Variants in FBXW8 observed in about 807,000 individuals in gnomAD.
The protein encoded by FBXW8 is F-box/WD repeat-containing protein 8.
A neutral mutation model predicts 65.3 loss-of-function variants in FBXW8; 57 were observed. That is an observed-to-expected ratio of 0.87 (90% CI 0.71 to 1.09). FBXW8 has a LOEUF of 1.09. FBXW8 is among the 50% of genes least tolerant of loss of function. The pLI, the probability that FBXW8 is intolerant of heterozygous loss-of-function variation, is 0.00. For missense variants in FBXW8, 777 were observed against 814.8 expected (o/e 0.95, Z 0.57); for synonymous variants, 308 against 330.2 (o/e 0.93, Z 0.73).
At chr12:116,951,548 C>G (rs1056268937) in intron 4 of FBXW8, 1 of 152,128 alleles carries the variant, frequency 6.6e-6, no homozygotes, top group African/African-American at 2.4e-5. Flanking sequence ...TTTTCTCTTT[C>G]TTTTGCACAA....
chr12:117,011,031 A>T (rs60883026), intron 8 of FBXW8, among the ~76,000 whole-genome samples: 2,518 of 151,884 alleles, frequency 0.017, 73 homozygotes, highest in African/African-American at 0.056. Flanking sequence ...CGCCCCAGGA[A>T]CCATCAGCAC....
chr12:116,955,050 C>G (rs1883556429), intron 4 of FBXW8, among the ~76,000 whole-genome samples: 2 of 148,030 alleles, frequency 1.4e-5, no homozygotes, highest in South Asian at 4.2e-4. Context: ...GGGGGGGGGC[C>G]CTGTATTAAG....
At chr12:116,993,196 C>G (rs1009789786) in intron 7 of FBXW8, among the ~76,000 whole-genome samples, 1 of 137,836 alleles carries the variant, frequency 7.3e-6, no homozygotes, top group Admixed American at 8.3e-5. Context: ...ATCCACTGAG[C>G]GGGTTCAAGC....
intron 2 of FBXW8, among the ~76,000 whole-genome samples, chr12:116,942,770 A>ATTTTTTTTTTTTTTTTTTTTTTTTTTTTT (rs71099022): frequency 1.6e-5 from 1 of 64,358 alleles, no homozygotes; most frequent in Non-Finnish European, 2.7e-5. Flanking sequence ...CAGAGCTTCT[A>ATTTTTTTTTTTTTTTTTTTTTTTTTTTTT]TTTTTTTTTT....
chr12:116,958,445 G>T (rs1883786364), intron 4 of FBXW8, among the ~76,000 whole-genome samples: 1 of 152,214 alleles, frequency 6.6e-6, no homozygotes. Context: ...AGTTTTAGGA[G>T]CCTCTGCCTG....
rs541413266 is a variant in FBXW8, at chr12:117,012,303, C to T, written c.1367+1853C>T. ...GCCAATGTTACATTTTTTTTTAAAACGCTCTGTCTCTGTGGATGAAAAGAA... is the reference window on the plus strand; with the variant it reads ...GCCAATGTTACATTTTTTTTTAAAATGCTCTGTCTCTGTGGATGAAAAGAA... On this transcript the variant is annotated intron_variant, in intron 8 of 10. Transcript: ENST00000652555. Among the ~76,000 whole-genome samples, 8 of 151,892 alleles carry T rather than the reference C, an allele frequency of 5.3e-5. 1 individual carries two copies. The South Asian group carries it at 8.3e-4, about 16-fold the overall frequency.
intron 2 of FBXW8, among the ~76,000 whole-genome samples, chr12:116,934,653 G>A (rs748604158): frequency 6.6e-6 from 1 of 152,102 alleles, no homozygotes; most frequent in Non-Finnish European, 1.5e-5. Context: ...TAAATTCATA[G>A]GAAGTTGCAA....
chr12:117,021,879 GTTGCTTTCGGCT>G, intron 8 of FBXW8, among the ~76,000 whole-genome samples: 1 of 152,264 alleles, frequency 6.6e-6, no homozygotes, highest in South Asian at 2.1e-4. Context: ...GTTTCATCCC[GTTGCTTTCGGCT>G]TCCATGGACG....
chr12:116,945,355 C>T lies in FBXW8; in HGVS notation c.424-9C>T. ...GAATTTGACATTTGTGTCACTTCTG[C>T]TGTTTTAGGTGAGCAAGACGTGGAA... On this transcript the variant is annotated splice_polypyrimidine_tract_variant and intron_variant, in intron 2 of 10. Transcript: ENST00000652555. 1 of 1,601,036 alleles carries T rather than the reference C, an allele frequency of 6.2e-7. No homozygotes were observed. The highest frequency in any genetic ancestry group is 8.5e-7 in the Non-Finnish European group (1 of 1,171,828).
chr12:116,981,002 C>G (rs116241012), intron 5 of FBXW8, among the ~76,000 whole-genome samples: 1 of 152,088 alleles, frequency 6.6e-6, no homozygotes, highest in Non-Finnish European at 1.5e-5. Flanking sequence ...TGTGATATCC[C>G]CAGTCCCTAG....
intron 7 of FBXW8, among the ~76,000 whole-genome samples, chr12:116,992,796 G>GTGTGTA (rs1409788511): frequency 6.6e-6 from 1 of 150,974 alleles, no homozygotes; most frequent in African/African-American, 2.5e-5. Flanking sequence ...GTGTGTGTGT[G>GTGTGTA]TATCACATTT....
intron 2 of FBXW8, among the ~76,000 whole-genome samples, chr12:116,941,804 T>G (rs549593584): frequency 2.6e-5 from 4 of 152,298 alleles, no homozygotes; most frequent in African/African-American, 9.6e-5. Flanking sequence ...CTATTTAAAT[T>G]TCTTTACTCT....
At chr12:117,026,057 AAGGCCTCACCTGC>A (rs1954219682) in intron 9 of FBXW8, among the ~76,000 whole-genome samples, 1 of 152,222 alleles carries the variant, frequency 6.6e-6, no homozygotes, top group Non-Finnish European at 1.5e-5. Context: ...TGACTTGCTC[AAGGCCTCACCTGC>A]AGTGCCTGCT....
intron 5 of FBXW8, among the ~76,000 whole-genome samples, chr12:116,983,091 A>C (rs779683110): frequency 6.6e-6 from 1 of 152,216 alleles, no homozygotes; most frequent in Non-Finnish European, 1.5e-5. Context: ...GAGGAGACAC[A>C]CGAGTCTCTG....
At chr12:116,914,829 C>T (rs1412481235) in intron 1 of FBXW8, among the ~76,000 whole-genome samples, 1 of 152,166 alleles carries the variant, frequency 6.6e-6, no homozygotes, top group East Asian at 1.9e-4. Flanking sequence ...GAGCCGAGAT[C>T]GTGCCATTGC....
intron 1 of FBXW8, among the ~76,000 whole-genome samples, chr12:116,912,171 G>GTTTTTTTTTTTTTTCTTT (rs1880002015): frequency 7.6e-6 from 1 of 131,022 alleles, no homozygotes; most frequent in Admixed American, 8.1e-5. Flanking sequence ...TTTTTTTCCT[G>GTTTTTTTTTTTTTTCTTT]TTTTTTTTTT....
rs1352926628 is a variant in FBXW8 at position 116,912,529 on chromosome 12, G to A, written c.318+1174G>A. On this transcript the variant is annotated intron_variant, in intron 1 of 10. Coordinates refer to ENST00000652555, the MANE Select transcript of FBXW8 (RefSeq NM_153348.3). ...GCTGGAGTTGCAGTGGCGCGATCTC[G>A]GCTCACTGCAAGTTCCGCCTCCTAG... Among the ~76,000 whole-genome samples, 11 of 148,146 alleles carry A rather than the reference G, an allele frequency of 7.4e-5. No individual in the cohort carries two copies. In the Admixed American group the frequency reaches 7.5e-4, roughly 10 times the overall value.
chr12:117,012,404 G>A (rs905569639), intron 8 of FBXW8, among the ~76,000 whole-genome samples: 1 of 152,156 alleles, frequency 6.6e-6, no homozygotes, highest in South Asian at 2.1e-4. Context: ...AGTAGTGCCA[G>A]CTGTGTGCCC....
At chr12:116,930,708 A>G (rs1881700868) in intron 2 of FBXW8, among the ~76,000 whole-genome samples, 1 of 152,176 alleles carries the variant, frequency 6.6e-6, no homozygotes, top group African/African-American at 2.4e-5. Flanking sequence ...CCAAAAAATC[A>G]TTACCTATAC....
Sources: gnomAD v4.1 joint callset for allele counts (sites outside exome capture counted in the v4.1 genomes callset) on GRCh38, gnomAD v4.1.1 for gene constraint, MANE v1.5 for transcripts, NCBI Gene and HGNC (gene_info 2026-07-23, HGNC 2026-07-21) for gene names.